Variants in PDZD9 observed in about 807,000 individuals in gnomAD.
The protein encoded by PDZD9 is PDZ domain containing 9.
A neutral mutation model predicts 16.3 loss-of-function variants in PDZD9; 13 were observed. The observed-to-expected ratio is 0.80, with a 90% confidence interval of 0.52 to 1.27. PDZD9 has a LOEUF of 1.27. Among genes scored for constraint, PDZD9 ranks in the 50% most tolerant of loss-of-function variants. The probability of loss-of-function intolerance (pLI) is 0.00; values close to 1 mark genes in which losing one functional copy is unlikely to be tolerated. For synonymous variants in PDZD9, 120 were observed against 111.0 expected (o/e 1.08, Z -0.51); for missense variants, 288 against 310.9 (o/e 0.93, Z 0.55).
chr16:21,983,258 C>G, downstream of PDZD9: 1 of 1,218,452 alleles, frequency 8.2e-7, no homozygotes, highest in Non-Finnish European at 1.2e-6. Flanking sequence ...TCTAATATAT[C>G]ATTTGTCTTT....
intron 2 of PDZD9, among the ~76,000 whole-genome samples, chr16:21,995,895 G>A (rs1467948003): frequency 2.0e-5 from 3 of 152,190 alleles, no homozygotes; most frequent in Non-Finnish European, 4.4e-5. Context: ...GGGTACAAGC[G>A]ATTCTCCTGC....
chr16:21,996,193 T>C lies in PDZD9; in HGVS notation c.211+129A>G, dbSNP rs1899143982. The C allele has an allele frequency of 1.7e-5, 20 of 1,177,942 alleles. No homozygotes were observed. In the South Asian group the frequency reaches 3.2e-4, roughly 19 times the overall value. 73.0% of individuals were successfully genotyped at this position (1,177,942 alleles called of 1,614,324 possible). ...ACCCCGCCTTGGCCTCCCAAAGTGCTGGGATTACAGGCATGAGCCAGCATG... is the reference window on the plus strand; with the variant it reads ...ACCCCGCCTTGGCCTCCCAAAGTGCCGGGATTACAGGCATGAGCCAGCATG... On this transcript the variant is annotated intron_variant, in intron 2 of 3. Coordinates refer to ENST00000424898, the MANE Select transcript of PDZD9 (RefSeq NM_001363519.1).
the PDZD9 span, chr16:21,962,893 C>T: frequency 5.6e-6 from 9 of 1,612,518 alleles, no homozygotes; most frequent in South Asian, 2.2e-5. Flanking sequence ...CTCGTAAGTA[C>T]ATTTCCAGAT....
downstream of PDZD9, chr16:21,983,113 A>G (rs1469879474): frequency 1.2e-6 from 2 of 1,614,126 alleles, no homozygotes; most frequent in South Asian, 1.1e-5. Context: ...GTTTCTGGCC[A>G]GAAGTCAATG....
At chr16:21,988,909 A>C in intron 2 of PDZD9, 118 bp from the exon 3 acceptor site, 3 of 828,492 alleles carry the variant, frequency 3.6e-6, no homozygotes, top group South Asian at 2.4e-5. Context: ...TTCTTTTTGA[A>C]CCAAAACCAG....
chr16:21,968,594 A>AAT, the PDZD9 span: 1 of 1,560,800 alleles, frequency 6.4e-7, no homozygotes. Context: ...TATTTATGCT[A>AAT]ATATAACCTA....
At chr16:21,971,976 G>C in the PDZD9 span, 1 of 1,614,196 alleles carries the variant, frequency 6.2e-7, no homozygotes. Context: ...TTTTGTAGCA[G>C]AAAGTGCTGT....
At chr16:21,970,020 A>C in the PDZD9 span, among the ~76,000 whole-genome samples, 1 of 152,042 alleles carries the variant, frequency 6.6e-6, no homozygotes, top group East Asian at 1.9e-4. Context: ...CTTTGTCTCT[A>C]TAGATTTGAC....
At chr16:21,961,668 A>ATATATATATATT in the PDZD9 span, among the ~76,000 whole-genome samples, 3 of 116,048 alleles carry the variant, frequency 2.6e-5, no homozygotes, top group Non-Finnish European at 3.5e-5. Flanking sequence ...ATATATATAT[A>ATATATATATATT]TTTTAGACAG....
At chr16:21,981,846 T>C (rs961636097), downstream of PDZD9, among the ~76,000 whole-genome samples, 2 of 146,972 alleles carry the variant, frequency 1.4e-5, no homozygotes, top group Admixed American at 1.4e-4. Context: ...ATACTCTTCT[T>C]TTTTTTTTTT....
the PDZD9 span, chr16:21,962,759 A>G: frequency 1.2e-6 from 2 of 1,614,096 alleles, no homozygotes; most frequent in Non-Finnish European, 1.7e-6. Context: ...TGTCTTCTGT[A>G]GTGATATTCT....
intron 2 of PDZD9, 135 bp from the exon 3 acceptor site, chr16:21,988,926 G>T: frequency 5.7e-6 from 3 of 527,236 alleles, no homozygotes; most frequent in South Asian, 6.9e-5. Flanking sequence ...CCAGGCTTCA[G>T]CCTTTTTTTT....
the PDZD9 span, chr16:21,957,572 TATCTTCA>T: frequency 6.2e-6 from 10 of 1,613,432 alleles, no homozygotes; most frequent in Non-Finnish European, 8.5e-6. Flanking sequence ...GTCTGGTGAG[TATCTTCA>T]CTTCCTCAAG....
chr16:21,991,744 T>C (rs910401276), intron 2 of PDZD9, among the ~76,000 whole-genome samples: 3 of 152,092 alleles, frequency 2.0e-5, no homozygotes, highest in Non-Finnish European at 4.4e-5. Context: ...AAATAGCATG[T>C]TTCTACAATT....
In PDZD9 at chr16:22,001,058, G is replaced by C; in HGVS notation, c.-11C>G. On this transcript the variant is annotated 5_prime_UTR_variant, in exon 1 of 4. Transcript: ENST00000424898. ...GGAGGCCTTCTGCATGGTCCCGGGAGGTCAGGCAGCCCGGGAGGGCCTCCC... is the reference window on the plus strand; with the variant it reads ...GGAGGCCTTCTGCATGGTCCCGGGACGTCAGGCAGCCCGGGAGGGCCTCCC... The C allele has an allele frequency of 6.6e-7, 1 of 1,524,506 alleles. No individual in the cohort carries two copies. The highest frequency in any genetic ancestry group is 2.5e-5 in the East Asian group (1 of 39,770). The allele number at this position is 1,524,506 out of a possible 1,614,324, so 94.4% of individuals were successfully genotyped here.
At chr16:21,980,095 C>T (rs1898680387), downstream of PDZD9, among the ~76,000 whole-genome samples, 2 of 150,246 alleles carry the variant, frequency 1.3e-5, no homozygotes, top group South Asian at 4.2e-4. Flanking sequence ...TTTTGACTGC[C>T]ATCTCAGTGG....
chr16:21,981,422 C>T (rs974720898), downstream of PDZD9, among the ~76,000 whole-genome samples: 9 of 152,106 alleles, frequency 5.9e-5, no homozygotes, highest in Non-Finnish European at 1.2e-4. Flanking sequence ...TTCTCACCAA[C>T]AGGTCTACCT....
At chr16:21,996,175 C>G (rs1899143514) in intron 2 of PDZD9, 147 bp downstream of exon 2, 4 of 999,308 alleles carry the variant, frequency 4.0e-6, no homozygotes, top group Non-Finnish European at 5.7e-6. Context: ...TCCACCCCGC[C>G]TTGGCCTCCC....
chr16:21,962,540 A>T, the PDZD9 span: 1 of 1,613,998 alleles, frequency 6.2e-7, no homozygotes, highest in Non-Finnish European at 8.5e-7. Context: ...TGTGTTTAGG[A>T]CTTCTGCTTT....
Sources: allele counts gnomAD v4.1 joint callset (sites outside exome capture counted in the v4.1 genomes callset), GRCh38; gene constraint gnomAD v4.1.1; transcripts MANE v1.5; gene names NCBI Gene and HGNC (gene_info 2026-07-23, HGNC 2026-07-21).